The following GPC5 variants were observed in gnomAD, a reference collection of about 807,000 sequenced individuals.
GPC5 encodes the protein glypican-5.
In GPC5, 47 loss-of-function variants were observed where a neutral mutation model predicts 53.9. The ratio of observed to expected loss-of-function variants is 0.87; its 90% CI spans 0.69 to 1.11. The LOEUF is 1.11. Ranked by LOEUF, GPC5 falls within the 50% of genes most tolerant of loss-of-function variation. GPC5 has a pLI of 0.00. For synonymous variants in GPC5, 286 were observed against 263.3 expected (o/e 1.09, Z -0.84); for missense variants, 748 against 713.1 (o/e 1.05, Z -0.56).
chr13:92,520,364 G>A lies in GPC5; in HGVS notation c.1562-345918G>A, dbSNP rs967042460. Among the ~76,000 whole-genome samples, 6 of 152,032 alleles carry A rather than the reference G, an allele frequency of 3.9e-5. No homozygotes were observed. In the East Asian group the frequency reaches 5.8e-4, roughly 15 times the overall value. On this transcript the variant is annotated intron_variant, in intron 7 of 7. Transcript: ENST00000377067. ...TAGACCAATATCCCTGATGAACATC[G>A]ATGCAAAAATCCTCAATAAGATACT...
At chr13:92,559,003 T>C (rs896539659) in intron 7 of GPC5, among the ~76,000 whole-genome samples, 7 of 151,882 alleles carry the variant, frequency 4.6e-5, no homozygotes, top group African/African-American at 1.7e-4. Flanking sequence ...GTAGTAACAG[T>C]ATTCCGGTCC....
chr13:91,922,941 CA>C (rs1163523747), intron 6 of GPC5, among the ~76,000 whole-genome samples: 1 of 152,150 alleles, frequency 6.6e-6, no homozygotes, highest in African/African-American at 2.4e-5. Context: ...AACTTAAATT[CA>C]TAGTTCTACC....
At chr13:91,857,083 T>TTCTTTTCTA (rs1393280593) in intron 5 of GPC5, among the ~76,000 whole-genome samples, 1 of 151,440 alleles carries the variant, frequency 6.6e-6, no homozygotes, top group African/African-American at 2.4e-5. Context: ...TATATTTCTA[T>TTCTTTTCTA]TCTTTTCTAT....
intron 1 of GPC5, among the ~76,000 whole-genome samples, chr13:91,406,153 C>T (rs746060788): frequency 6.6e-6 from 1 of 152,140 alleles, no homozygotes; most frequent in Non-Finnish European, 1.5e-5. Flanking sequence ...CTAACGTGTA[C>T]CTTATTGACT....
At chr13:92,843,488 A>G (rs1316923351) in intron 7 of GPC5, among the ~76,000 whole-genome samples, 1 of 152,148 alleles carries the variant, frequency 6.6e-6, no homozygotes, top group African/African-American at 2.4e-5. Flanking sequence ...TTTAAGACTA[A>G]AGAAAAAGAT....
Position 92,386,219 on chromosome 13 carries a change from T to G in GPC5, c.1561+241230T>G, listed in dbSNP as rs573007357. 3.2e-4 allele frequency among the ~76,000 whole-genome samples: 48 copies of G among 152,180 alleles called. No homozygotes were observed. In the East Asian group the frequency reaches 8.7e-3, roughly 28 times the overall value. ...TGATGGAGAATTTGTTAATGTGAGC[T>G]TCAGGCAATTTGCTGTTCTTAAAGT... is the stretch of plus-strand genomic sequence containing the variant. On this transcript the variant is annotated intron_variant, in intron 7 of 7. Transcript: ENST00000377067.
intron 7 of GPC5, among the ~76,000 whole-genome samples, chr13:92,242,161 A>G (rs1230907657): frequency 6.7e-6 from 1 of 149,444 alleles, no homozygotes; most frequent in Non-Finnish European, 1.5e-5. Flanking sequence ...TGAACCCAGG[A>G]GGCGGAGGTT....
intron 7 of GPC5, among the ~76,000 whole-genome samples, chr13:92,715,618 T>C (rs1888304637): frequency 6.6e-6 from 1 of 152,208 alleles, no homozygotes; most frequent in South Asian, 2.1e-4. Flanking sequence ...TGGATGTTTA[T>C]ACTTACTTTG....
Position 92,489,172 on chromosome 13 carries a change from A to G in GPC5, c.1561+344183A>G, listed in dbSNP as rs373565523. 6.6e-5 allele frequency among the ~76,000 whole-genome samples: 10 copies of G among 152,310 alleles called. No homozygotes were observed. The East Asian group carries it at 1.3e-3, about 21-fold the overall frequency. On this transcript the variant is annotated intron_variant, in intron 7 of 7. Coordinates refer to ENST00000377067, the MANE Select transcript of GPC5 (RefSeq NM_004466.6). ...CTAGTCTACTGCTAAACTCTGATGA[A>G]ATGACACAGAATAATGATTTAACCA...
chr13:92,247,034 GATT>G (rs1441427784), intron 7 of GPC5, among the ~76,000 whole-genome samples: 1 of 152,108 alleles, frequency 6.6e-6, no homozygotes, highest in Non-Finnish European at 1.5e-5. Flanking sequence ...CCCTGTGTGG[GATT>G]ATTAAAGACC....
intron 6 of GPC5, among the ~76,000 whole-genome samples, chr13:91,935,481 C>T (rs2039861549): frequency 6.6e-6 from 1 of 151,930 alleles, no homozygotes; most frequent in Non-Finnish European, 1.5e-5. Context: ...AAGGGTGGCC[C>T]TTTCCAAATA....
intron 2 of GPC5, among the ~76,000 whole-genome samples, chr13:91,527,127 T>C (rs1886123015): frequency 6.6e-6 from 1 of 152,212 alleles, no homozygotes; most frequent in Admixed American, 6.5e-5. Context: ...CCAATAGTTC[T>C]GCAAAGCTTT....
At chr13:92,306,352 G>T (rs1304684873) in intron 7 of GPC5, among the ~76,000 whole-genome samples, 1 of 152,136 alleles carries the variant, frequency 6.6e-6, no homozygotes, top group Non-Finnish European at 1.5e-5. Flanking sequence ...CTTCTTTTGA[G>T]ATGTTTAACA....
chr13:91,729,962 G>A (rs906474445), intron 4 of GPC5, among the ~76,000 whole-genome samples: 2 of 152,150 alleles, frequency 1.3e-5, no homozygotes, highest in South Asian at 4.1e-4. Context: ...CAAGTGAAAG[G>A]TTTTAAAAGT....
At chr13:91,802,876 C>T (rs2038158757) in intron 5 of GPC5, among the ~76,000 whole-genome samples, 1 of 152,148 alleles carries the variant, frequency 6.6e-6, no homozygotes, top group Admixed American at 6.6e-5. Context: ...TTAGCATCCT[C>T]ACTCATAAAA....
In GPC5 at chr13:91,858,765, A is replaced by T. The variant is rs148465712; in HGVS notation, c.1281-49172A>T. Reference sequence around the variant, plus strand: ...CTTTTTAAAATATTTGGTAAAATTCAGGAGTAAAACCATTAGGTCCTGGAT... The same window carrying T: ...CTTTTTAAAATATTTGGTAAAATTCTGGAGTAAAACCATTAGGTCCTGGAT... On this transcript the variant is annotated intron_variant, in intron 5 of 7. Coordinates refer to ENST00000377067, the MANE Select transcript of GPC5 (RefSeq NM_004466.6). 9.0e-3 allele frequency among the ~76,000 whole-genome samples: 1,366 copies of T among 152,140 alleles called. 13 individuals carry two copies. Among genetic ancestry groups the T allele is most frequent in the Non-Finnish European group, 0.016 (1,055 of 67,896 alleles).
At chr13:92,736,689 T>C (rs763805825) in intron 7 of GPC5, among the ~76,000 whole-genome samples, 4 of 151,868 alleles carry the variant, frequency 2.6e-5, no homozygotes, top group Non-Finnish European at 1.5e-5. Flanking sequence ...TACCACAATC[T>C]TTTTATTTAT....
intron 7 of GPC5, among the ~76,000 whole-genome samples, chr13:92,282,343 A>G (rs2042922128): frequency 6.6e-6 from 1 of 152,190 alleles, no homozygotes; most frequent in Admixed American, 6.5e-5. Context: ...ATTCAGGAGA[A>G]CTTCCCCAAC....
Position 91,615,664 on chromosome 13 carries a change from A to G in GPC5, c.326-77523A>G, listed in dbSNP as rs75700773. Among the ~76,000 whole-genome samples the G allele has an allele frequency of 6.0e-4, 91 of 152,300 alleles. 1 individual carries two copies. Among genetic ancestry groups the G allele is most frequent in the African/African-American group, 2.0e-3 (84 of 41,576 alleles). On this transcript the variant is annotated intron_variant, in intron 2 of 7. Transcript: ENST00000377067. ...CAGCTCACAGGGCTTCCCCATCTCC[A>G]AGAATTCTACTGCACAGTGATTCCT...
Sources: gnomAD v4.1 joint callset for allele counts (sites outside exome capture counted in the v4.1 genomes callset) on GRCh38, gnomAD v4.1.1 for gene constraint, MANE v1.5 for transcripts, NCBI Gene and HGNC (gene_info 2026-07-23, HGNC 2026-07-21) for gene names.